Variants in DTNA observed in about 807,000 individuals in gnomAD.
The protein encoded by DTNA is dystrobrevin alpha.
In DTNA, 43 loss-of-function variants were observed where a neutral mutation model predicts 100.7. The observed-to-expected ratio is 0.43, with a 90% CI of 0.33 to 0.55. DTNA has a LOEUF of 0.55. DTNA is among the 20% of genes least tolerant of loss of function. DTNA has a pLI of 0.04. For synonymous variants in DTNA, 349 were observed against 347.9 expected (o/e 1.00, Z -0.04); for missense variants, 798 against 953.9 (o/e 0.84, Z 2.15).
At chr18:34,537,270 A>C (rs903269999) in intron 1 of DTNA, among the ~76,000 whole-genome samples, 2 of 152,032 alleles carry the variant, frequency 1.3e-5, no homozygotes, top group Non-Finnish European at 2.9e-5. Context: ...TCTTAAGGCA[A>C]CAGAGTCTAT....
chr18:34,597,004 C>G (rs560897249), intron 1 of DTNA, among the ~76,000 whole-genome samples: 1 of 152,194 alleles, frequency 6.6e-6, no homozygotes, highest in South Asian at 2.1e-4. Flanking sequence ...CCTCCCCTAG[C>G]CCCCAATTCC....
intron 1 of DTNA, among the ~76,000 whole-genome samples, chr18:34,624,461 A>G (rs936321305): frequency 5.3e-5 from 8 of 152,198 alleles, no homozygotes; most frequent in African/African-American, 2.4e-5. Flanking sequence ...TTACATTTAA[A>G]TCTAGACTTT....
chr18:34,828,986 A>C, intron 10 of DTNA: 1 of 1,595,094 alleles, frequency 6.3e-7, no homozygotes, highest in Non-Finnish European at 8.6e-7. Flanking sequence ...CATTCTGCAA[A>C]TATCAAGCAG....
At position 34,521,056 on chromosome 18, in the gene DTNA, C is replaced by A. The variant is rs189585166; in HGVS notation, c.-2+27542C>A. Among the ~76,000 whole-genome samples, 396 of 152,270 alleles carry A rather than the reference C, an allele frequency of 2.6e-3. 2 individuals carry two copies. The highest frequency in any genetic ancestry group is 7.4e-3 in the Admixed American group (113 of 15,282). ...GTCTTTAGTATTTGGACTGTATTTT[C>A]TGATGAAAGAAGTCTCAACTATAGA... On this transcript the variant is annotated intron_variant, in intron 1 of 19. Coordinates refer to the DTNA transcript ENST00000283365.
At position 34,858,287 on chromosome 18, in the gene DTNA, A is replaced by G. The variant is rs753144803; in HGVS notation, c.1535A>G (p.Glu512Gly). ...TCACCTTCCTCCTCTCTCCCAAGAG[A>G]AATCTTACAGGAGATCCAGAGACTT... ...LIAELENKNR[E>G]ILQEIQRLRL... The change falls in exon 16 of 23, where the codon GAA (glutamate) becomes GGA (glycine). Residue 512 changes from glutamate to glycine, a missense_variant and splice_region_variant. Physicochemically the swap from Glu to Gly is moderately conservative, Grantham distance 98. Coordinates refer to ENST00000444659, the MANE Select transcript of DTNA (RefSeq NM_001386795.1). 6.2e-7 allele frequency: 1 copy of G among 1,614,064 alleles called. No homozygotes were observed. Among genetic ancestry groups the G allele is most frequent in the Admixed American group, 1.7e-5 (1 of 60,012 alleles).
At chr18:34,529,625 A>T (rs1247364385) in intron 1 of DTNA, among the ~76,000 whole-genome samples, 2 of 152,156 alleles carry the variant, frequency 1.3e-5, no homozygotes, top group Non-Finnish European at 1.5e-5. Context: ...CGTTTTCCCC[A>T]TGGAGAGTCA....
chr18:34,818,893 G>T (rs2149421141), intron 8 of DTNA, among the ~76,000 whole-genome samples: 1 of 152,214 alleles, frequency 6.6e-6, no homozygotes. Context: ...GACCAACCTG[G>T]CAAAGGTGGC....
intron 1 of DTNA, among the ~76,000 whole-genome samples, chr18:34,515,491 T>G (rs1277292189): frequency 6.6e-6 from 1 of 152,152 alleles, no homozygotes; most frequent in African/African-American, 2.4e-5. Context: ...TAAAAACATC[T>G]TACTATTCCA....
chr18:34,738,307 A>G (rs150582198), intron 1 of DTNA, among the ~76,000 whole-genome samples: 12 of 152,298 alleles, frequency 7.9e-5, no homozygotes, highest in African/African-American at 2.9e-4. Context: ...CACAACACGC[A>G]TGTCTACTAT....
At chr18:34,535,997 CTT>C (rs1328932295) in intron 1 of DTNA, among the ~76,000 whole-genome samples, 1 of 151,994 alleles carries the variant, frequency 6.6e-6, no homozygotes, top group Non-Finnish European at 1.5e-5. Flanking sequence ...GCTTCTGAAA[CTT>C]TATGCTTCTT....
intron 20 of DTNA, among the ~76,000 whole-genome samples, chr18:34,881,853 A>T (rs1483165816): frequency 1.1e-5 from 1 of 93,914 alleles, no homozygotes; most frequent in East Asian, 2.0e-4. Context: ...CAACTGCCAT[A>T]AAAAAATTGT....
intron 1 of DTNA, among the ~76,000 whole-genome samples, chr18:34,699,579 A>T (rs2081089796): frequency 6.6e-6 from 1 of 152,214 alleles, no homozygotes; most frequent in Non-Finnish European, 1.5e-5. Context: ...ATTCACTGTC[A>T]CACAACTCAA....
At chr18:34,772,977 C>G (rs1295835242) in intron 3 of DTNA, among the ~76,000 whole-genome samples, 1 of 152,220 alleles carries the variant, frequency 6.6e-6, no homozygotes, top group African/African-American at 2.4e-5. Context: ...TGGAGACTAC[C>G]TTCAGTTCCT....
chr18:34,864,248 CTTTTT>C (rs555273655), intron 17 of DTNA, among the ~76,000 whole-genome samples, 186 bp downstream of exon 17: 1 of 127,418 alleles, frequency 7.8e-6, no homozygotes, highest in Non-Finnish European at 1.6e-5. Flanking sequence ...AGAACACATT[CTTTTT>C]TTTTTTTTTT....
intron 1 of DTNA, among the ~76,000 whole-genome samples, chr18:34,678,385 T>C (rs3810019): frequency 0.095 from 14,493 of 152,024 alleles, 718 homozygotes; most frequent in South Asian, 0.11. Flanking sequence ...GAGGAAAGCA[T>C]GGGGTGGGAG....
intron 1 of DTNA, among the ~76,000 whole-genome samples, chr18:34,560,708 C>G (rs1176009147): frequency 6.6e-6 from 1 of 152,096 alleles, no homozygotes; most frequent in South Asian, 2.1e-4. Context: ...GAATTGGAGA[C>G]CAGCCTGGGC....
intron 1 of DTNA, among the ~76,000 whole-genome samples, chr18:34,601,379 T>TGCTAAGCA (rs1598897779): frequency 6.6e-6 from 1 of 152,210 alleles, no homozygotes; most frequent in Admixed American, 6.5e-5. Flanking sequence ...CATGGCATAC[T>TGCTAAGCA]GCTAAGCATG....
intron 1 of DTNA, among the ~76,000 whole-genome samples, chr18:34,745,044 C>T (rs573085982): frequency 6.6e-4 from 100 of 152,090 alleles, no homozygotes; most frequent in African/African-American, 2.2e-3. Flanking sequence ...TACAAGAACA[C>T]AGTGAGAAGG....
At chr18:34,592,661 CA>C (rs1301472012) in intron 1 of DTNA, among the ~76,000 whole-genome samples, 1 of 152,014 alleles carries the variant, frequency 6.6e-6, no homozygotes, top group Non-Finnish European at 1.5e-5. Context: ...AGAAAATGCA[CA>C]GATTGAACAG....
Sources: gnomAD v4.1 joint callset for allele counts (sites outside exome capture counted in the v4.1 genomes callset) on GRCh38, gnomAD v4.1.1 for gene constraint, MANE v1.5 for transcripts, NCBI Gene and HGNC (gene_info 2026-07-23, HGNC 2026-07-21) for gene names.